DEUP1: variants seen among roughly 807,000 people sequenced by gnomAD.
DEUP1 encodes the protein coiled-coil domain containing 67.
A neutral mutation model predicts 87.4 loss-of-function variants in DEUP1; 82 were observed. The ratio of observed to expected loss-of-function variants is 0.94; its 90% confidence interval spans 0.78 to 1.13. The LOEUF (loss-of-function observed/expected upper bound fraction) is 1.13. Among genes scored for constraint, DEUP1 ranks in the 50% most tolerant of loss-of-function variants. The pLI is 0.00. For missense variants in DEUP1, 663 were observed against 681.5 expected, an observed-to-expected ratio of 0.97 and a Z score of 0.30; for synonymous variants, 214 against 222.7, an observed-to-expected ratio of 0.96 and a Z score of 0.35.
intron 8 of DEUP1, among the ~76,000 whole-genome samples, chr11:93,386,932 A>G (rs1946587518): frequency 6.6e-6 from 1 of 152,212 alleles, no homozygotes. Context: ...GGTACTTTTT[A>G]TGGTGCTCTT....
In DEUP1 at chr11:93,337,247, C is replaced by T. The variant is rs116336303; in HGVS notation, c.29+4959C>T. ...TTCTTAACCCTTAAAGTATTCTTTC[C>T]CTCTGAGATATATTAATCATCTTTA... On this transcript the variant is annotated intron_variant, in intron 2 of 13. Coordinates refer to ENST00000298050, the MANE Select transcript of DEUP1 (RefSeq NM_181645.4). 7.1e-3 allele frequency among the ~76,000 whole-genome samples: 1,078 copies of T among 152,142 alleles called. 13 individuals are homozygous for T. Among genetic ancestry groups the T allele is most frequent in the African/African-American group, 0.025 (1,036 of 41,500 alleles).
At chr11:93,432,599 T>G (rs1338719627) in intron 13 of DEUP1, among the ~76,000 whole-genome samples, 1 of 151,934 alleles carries the variant, frequency 6.6e-6, no homozygotes, top group East Asian at 1.9e-4. Flanking sequence ...TAATTAGGGG[T>G]GGGTTTTACC....
intron 12 of DEUP1, among the ~76,000 whole-genome samples, chr11:93,411,749 CTA>C (rs1165545484): frequency 1.1e-4 from 16 of 152,096 alleles, no homozygotes; most frequent in African/African-American, 3.9e-4. Flanking sequence ...AGTTTTATCT[CTA>C]TATAAGACAC....
chr11:93,400,323 C>T (rs899992900), intron 11 of DEUP1, among the ~76,000 whole-genome samples: 2 of 152,172 alleles, frequency 1.3e-5, no homozygotes, highest in Non-Finnish European at 2.9e-5. Context: ...TTCATTGCCT[C>T]TTCCTGAATT....
chr11:93,362,528 G>A (rs528109644), intron 4 of DEUP1, among the ~76,000 whole-genome samples: 14 of 151,918 alleles, frequency 9.2e-5, no homozygotes, highest in African/African-American at 3.1e-4. Flanking sequence ...CCACTAGGAT[G>A]GTTATAATAA....
intron 7 of DEUP1, among the ~76,000 whole-genome samples, chr11:93,377,705 AG>A: frequency 6.6e-6 from 1 of 152,110 alleles, no homozygotes; most frequent in Non-Finnish European, 1.5e-5. Context: ...ATGGTTTTAT[AG>A]GTCCTGTGAG....
At position 93,412,059 on chromosome 11, in the gene DEUP1, GT is replaced by G. The variant is rs566580613; in HGVS notation, c.1524-2938del. Among the ~76,000 whole-genome samples the G allele has an allele frequency of 3.1e-4, 47 of 152,064 alleles. No individual in the cohort carries two copies. The East Asian group carries it at 8.3e-3, about 27-fold the overall frequency. On this transcript the variant is annotated intron_variant, in intron 12 of 13. Coordinates refer to ENST00000298050, the MANE Select transcript of DEUP1 (RefSeq NM_181645.4). ...CAATGAGCAGTTCATGGAATAGGGA[GT>G]TTAGTGGAGTGTTGGAAGGTGAGGC...
chr11:93,412,458 G>T (rs1276641313), intron 12 of DEUP1, among the ~76,000 whole-genome samples: 2 of 152,120 alleles, frequency 1.3e-5, no homozygotes, highest in Non-Finnish European at 2.9e-5. Context: ...AGAAGAACTT[G>T]TCAGATATAA....
At chr11:93,417,388 A>G (rs1056359638) in intron 13 of DEUP1, among the ~76,000 whole-genome samples, 7 of 151,334 alleles carry the variant, frequency 4.6e-5, no homozygotes, top group African/African-American at 1.7e-4. Flanking sequence ...CACCAATAAC[A>G]GACAAACAGA....
chr11:93,368,515 G>A (rs1037553654), intron 5 of DEUP1, among the ~76,000 whole-genome samples: 6 of 152,186 alleles, frequency 3.9e-5, no homozygotes, highest in Non-Finnish European at 7.3e-5. Flanking sequence ...GGGGAAGCAA[G>A]GCATGTCTTC....
At chr11:93,419,054 G>T (rs1947765366) in intron 13 of DEUP1, among the ~76,000 whole-genome samples, 1 of 145,156 alleles carries the variant, frequency 6.9e-6, no homozygotes, top group East Asian at 2.1e-4. Context: ...AGGGGGGAGG[G>T]ATAGCATTGG....
intron 1 of DEUP1, 62 bp from the exon 2 acceptor site, chr11:93,332,154 C>G (rs1335156658): frequency 3.5e-6 from 4 of 1,132,968 alleles, no homozygotes; most frequent in African/African-American, 3.1e-5. Context: ...GCAAAATTTT[C>G]ATGTTTTATA....
intron 7 of DEUP1, among the ~76,000 whole-genome samples, chr11:93,379,370 T>C (rs1277171486): frequency 6.6e-6 from 1 of 152,200 alleles, no homozygotes; most frequent in Non-Finnish European, 1.5e-5. Flanking sequence ...TTTATATTTT[T>C]CCAGGAAGTA....
intron 13 of DEUP1, among the ~76,000 whole-genome samples, chr11:93,431,377 C>T (rs11020356): frequency 0.35 from 53,120 of 151,720 alleles, 9,951 homozygotes; most frequent in African/African-American, 0.48. Flanking sequence ...GTTGGGGGAC[C>T]TTCTGGAGCT....
At chr11:93,396,096 A>G (rs1946936257) in intron 10 of DEUP1, 143 bp from the exon 11 acceptor site, 3 of 629,084 alleles carry the variant, frequency 4.8e-6, no homozygotes, top group Non-Finnish European at 2.8e-6. Context: ...CTAAATAAGA[A>G]TACCTGAATG....
At chr11:93,420,441 C>G (rs957044145) in intron 13 of DEUP1, among the ~76,000 whole-genome samples, 52 of 152,246 alleles carry the variant, frequency 3.4e-4, no homozygotes, top group Middle Eastern at 3.4e-3. Flanking sequence ...CTATGACAAA[C>G]CCATAGCCAA....
At chr11:93,419,643 C>A (rs1017147687) in intron 13 of DEUP1, among the ~76,000 whole-genome samples, 4 of 151,938 alleles carry the variant, frequency 2.6e-5, no homozygotes, top group African/African-American at 7.3e-5. Context: ...TCTCAAGGGG[C>A]ATTTTAAGGA....
At chr11:93,385,668 G>T in intron 8 of DEUP1, 125 bp downstream of exon 8, 1 of 598,514 alleles carries the variant, frequency 1.7e-6, no homozygotes. Context: ...TAATTAGTGG[G>T]TAATATTAAA....
chr11:93,419,083 G>A (rs1179932822), intron 13 of DEUP1, among the ~76,000 whole-genome samples: 3 of 151,710 alleles, frequency 2.0e-5, no homozygotes, highest in East Asian at 3.9e-4. Flanking sequence ...CCTAATGCTA[G>A]ATGACGAGTT....
Sources: allele counts gnomAD v4.1 joint callset (sites outside exome capture counted in the v4.1 genomes callset), GRCh38; gene constraint gnomAD v4.1.1; transcripts MANE v1.5; gene names NCBI Gene and HGNC (gene_info 2026-07-23, HGNC 2026-07-21).